Variants in PXN observed in about 807,000 individuals in gnomAD.
PXN encodes the protein testicular tissue protein Li 134.
PXN carries 61 observed loss-of-function variants against 103.6 expected under a neutral mutation model. The observed-to-expected ratio is 0.59, with a 90% CI of 0.48 to 0.73. The LOEUF is 0.73. PXN is among the 30% of genes least tolerant of loss of function. The probability of loss-of-function intolerance (pLI) is 0.00; values close to 1 mark genes in which losing one functional copy is unlikely to be tolerated. For synonymous variants in PXN, 562 were observed against 607.8 expected (o/e 0.92, Z 1.11); for missense variants, 1,274 against 1,460.3 (o/e 0.87, Z 2.08).
Position 120,221,815 on chromosome 12 carries a change from G to T in PXN, c.696-57C>A. The T allele has an allele frequency of 6.7e-7, 1 of 1,502,034 alleles. No individual in the cohort carries two copies. The highest frequency in any genetic ancestry group is 8.9e-7 in the Non-Finnish European group (1 of 1,122,124). 93.0% of individuals were successfully genotyped at this position (1,502,034 alleles called of 1,614,324 possible). On this transcript the variant is annotated intron_variant, in intron 5 of 14. Transcript: ENST00000637617. This position sits in a 1 kb window ranked among gnomAD's most constrained non-coding sequence, Gnocchi z 6.6. ...CCACAGTCAGCCCCACACTTCCCGGGGATCAGATCGACCTCTCACCTCGGA... is the reference window on the plus strand; with the variant it reads ...CCACAGTCAGCCCCACACTTCCCGGTGATCAGATCGACCTCTCACCTCGGA...
chr12:120,237,810 T>C (rs1438023790), intron 1 of PXN, among the ~76,000 whole-genome samples: 1 of 152,126 alleles, frequency 6.6e-6, no homozygotes, highest in Non-Finnish European at 1.5e-5. Flanking sequence ...CACAGAGAGT[T>C]GGCACCTCCT....
chr12:120,257,935 G>A (rs2136689760), intron 1 of PXN, among the ~76,000 whole-genome samples: 1 of 152,310 alleles, frequency 6.6e-6, no homozygotes, highest in African/African-American at 2.4e-5. Flanking sequence ...GCTCACACCT[G>A]TAATCCCAGC....
chr12:120,235,425 C>T (rs2136450082), intron 1 of PXN, among the ~76,000 whole-genome samples: 1 of 152,224 alleles, frequency 6.6e-6, no homozygotes, highest in South Asian at 2.1e-4. Context: ...ATGCAGACAC[C>T]CAGAGCCGCC....
chr12:120,242,966 TC>T (rs1890413213), intron 1 of PXN, among the ~76,000 whole-genome samples: 1 of 151,712 alleles, frequency 6.6e-6, no homozygotes, highest in African/African-American at 2.4e-5. Context: ...AGCAAGGTCA[TC>T]CCCAAAAGGT....
At position 120,215,072 on chromosome 12, in the gene PXN, G is replaced by A; in HGVS notation, c.2574+31C>T. The A allele has an allele frequency of 6.3e-7, 1 of 1,596,402 alleles. No homozygotes were observed. Among genetic ancestry groups the A allele is most frequent in the Non-Finnish European group, 8.5e-7 (1 of 1,170,120 alleles). On this transcript the variant is annotated intron_variant, in intron 11 of 14. Transcript: ENST00000637617. This position sits in a 1 kb window ranked among gnomAD's most constrained non-coding sequence, Gnocchi z 4.9. ...ACCCCCACCCCTGCAGGAGTCCACT[G>A]GCCACACCCCTGCCCACTCCCCCTC...
At position 120,213,529 on chromosome 12, in the gene PXN, T is replaced by G. The variant is rs2136170198; in HGVS notation, c.2979+313A>C. On this transcript the variant is annotated intron_variant, in intron 14 of 14. Coordinates refer to ENST00000637617, the MANE Select transcript of PXN (RefSeq NM_001385981.1). This position sits in a 1 kb window ranked among gnomAD's most constrained non-coding sequence, Gnocchi z 4.2. ...GGTTTTGGAAACCACTGCCCATTTC[T>G]GTTGAGTCTGCTAAATACTTGCATT... Among the ~76,000 whole-genome samples the G allele has an allele frequency of 6.6e-6, 1 of 152,364 alleles. No homozygotes were observed. The highest frequency in any genetic ancestry group is 2.4e-5 in the African/African-American group (1 of 41,594).
In PXN at chr12:120,260,191, C is replaced by T. The variant is rs149397984; in HGVS notation, c.13+5426G>A. On this transcript the variant is annotated intron_variant, in intron 1 of 14. Transcript: ENST00000637617. ...AGACACTCCCCCCAGGACCCTGCATCCCATCCTGAGTGTGTGTCCCCAAGA... is the reference window on the plus strand; with the variant it reads ...AGACACTCCCCCCAGGACCCTGCATTCCATCCTGAGTGTGTGTCCCCAAGA... 1.6e-4 allele frequency among the ~76,000 whole-genome samples: 25 copies of T among 152,294 alleles called. No individual in the cohort carries two copies. The East Asian group carries it at 4.8e-3, about 29-fold the overall frequency.
At chr12:120,243,876 C>G (rs187147541) in intron 1 of PXN, among the ~76,000 whole-genome samples, 1 of 152,250 alleles carries the variant, frequency 6.6e-6, no homozygotes, top group African/African-American at 2.4e-5. Flanking sequence ...TGTCTCACAG[C>G]CTAGGAATAG....
chr12:120,258,515 C>G (rs931476149), intron 1 of PXN, among the ~76,000 whole-genome samples: 1 of 152,160 alleles, frequency 6.6e-6, no homozygotes, highest in African/African-American at 2.4e-5. Flanking sequence ...AGCAGTCATT[C>G]AGGCCAACCA....
Position 120,211,674 on chromosome 12 carries a change from C to T in PXN, c.*640G>A, listed in dbSNP as rs1880208510. 3.2e-6 allele frequency: 1 copy of T among 315,050 alleles called. No homozygotes were observed. Among genetic ancestry groups the T allele is most frequent in the Non-Finnish European group, 6.4e-6 (1 of 156,514 alleles). 19.5% of individuals were successfully genotyped at this position (315,050 alleles called of 1,614,324 possible). ...AGGAAGTGACTAGAAAACATTATTGCTGGAGAGGCTTTTCTCAGTAGAACA... is the reference window on the plus strand; with the variant it reads ...AGGAAGTGACTAGAAAACATTATTGTTGGAGAGGCTTTTCTCAGTAGAACA... On this transcript the variant is annotated 3_prime_UTR_variant, in exon 15 of 15. Transcript: ENST00000637617.
Position 120,219,572 on chromosome 12 carries a change from G to T in PXN, c.1351C>A (p.Pro451Thr). 6.4e-7 allele frequency: 1 copy of T among 1,572,808 alleles called. No homozygotes were observed. The highest frequency in any genetic ancestry group is 8.6e-7 in the Non-Finnish European group (1 of 1,166,974). The change falls in exon 7 of 15, where the codon CCC (proline) becomes ACC (threonine). Residue 451 changes from proline (P) to threonine (T), a missense_variant. Coordinates refer to ENST00000637617, the MANE Select transcript of PXN (RefSeq NM_001385981.1). The surrounding 1 kb of genome is among the most constrained non-coding windows in gnomAD (Gnocchi z 6.5). The stretch of plus-strand genomic sequence containing the variant: ...TGGAAGCTTCGAGCAGCTCCAGAGG[G>T]GGGCATTCTCTCAGGCCCGAATACC... The part of the protein sequence containing the change: ...SEVFGPERMP[P>T]SGAARSFQEV...
In PXN at chr12:120,222,970, G is replaced by A. The variant is rs201116189; in HGVS notation, c.386C>T (p.Pro129Leu). 4.7e-4 allele frequency: 762 copies of A among 1,613,870 alleles called. No individual in the cohort carries two copies. Among genetic ancestry groups the A allele is most frequent in the Non-Finnish European group, 6.2e-4 (732 of 1,179,910 alleles). The change falls in exon 4 of 15, where the codon CCT becomes CTT. Residue 129 changes from proline (P) to leucine (L), a missense_variant. Transcript: ENST00000637617. The surrounding 1 kb of genome is among the most constrained non-coding windows in gnomAD (Gnocchi z 4.7). Reference protein sequence around the residue: ...SFPNKQKSAEPSPTVMSTSLG... With the variant: ...SFPNKQKSAELSPTVMSTSLG... ...GGACGTGCTCATTACGGTGGGTGAA[G>A]GCTCAGCTGATTTCTGCTTGTTGGG...
At chr12:120,223,694 G>A (rs1474084340) in intron 3 of PXN, 24 bp downstream of exon 3, 2 of 1,518,338 alleles carry the variant, frequency 1.3e-6, no homozygotes, top group Non-Finnish European at 9.0e-7. Flanking sequence ...GAGGGAAGGT[G>A]CCCTGGGCAG....
chr12:120,212,832 C>T lies in PXN; in HGVS notation c.2980-252G>A, dbSNP rs557894618. 21 of 396,264 alleles carry T rather than the reference C, an allele frequency of 5.3e-5. No individual in the cohort carries two copies. The East Asian group carries it at 7.8e-4, about 15-fold the overall frequency. The allele number at this position is 396,264 out of a possible 1,614,324, so 24.5% of individuals were successfully genotyped here. A position where few individuals can be genotyped will look rare whatever the true frequency, so the allele number is the denominator to read the frequency against. On this transcript the variant is annotated intron_variant, in intron 14 of 14. Transcript: ENST00000637617. The surrounding 1 kb of genome is among the most constrained non-coding windows in gnomAD (Gnocchi z 7.2). The stretch of plus-strand genomic sequence containing the variant: ...GTGGCCTCCTGCAATCCTCCCACCT[C>T]GGCCTCCCACAGGGCTGGGATTATT...
Position 120,211,875 on chromosome 12 carries a change from T to C in PXN, c.*439A>G, listed in dbSNP as rs1408081296. On this transcript the variant is annotated 3_prime_UTR_variant, in exon 15 of 15. Transcript: ENST00000637617. ...GAGGGAGCCGGGTGTCCCCCAATAA[T>C]CACAGAACAAAGACAATTAGGTCGG... 2.0e-6 allele frequency: 1 copy of C among 511,346 alleles called. No individual in the cohort carries two copies. The highest frequency in any genetic ancestry group is 3.9e-6 in the Non-Finnish European group (1 of 256,756). 31.7% of individuals were successfully genotyped at this position (511,346 alleles called of 1,614,324 possible).
At position 120,257,921 on chromosome 12, in the gene PXN, C is replaced by T. The variant is rs547021106; in HGVS notation, c.13+7696G>A. ...GTAAAGCCTTGCTGTGGCTGGGCACCGTGGCTCACACCTGTAATCCCAGCA... is the reference window on the plus strand; with the variant it reads ...GTAAAGCCTTGCTGTGGCTGGGCACTGTGGCTCACACCTGTAATCCCAGCA... On this transcript the variant is annotated intron_variant, in intron 1 of 14. Coordinates refer to ENST00000637617, the MANE Select transcript of PXN (RefSeq NM_001385981.1). Among the ~76,000 whole-genome samples the T allele has an allele frequency of 1.1e-4, 16 of 152,246 alleles. No homozygotes were observed. In the South Asian group the frequency reaches 3.1e-3, roughly 30 times the overall value.
Position 120,216,736 on chromosome 12 carries a change from C to A in PXN, c.1992+105G>T. ...GTCACAGGAGGCAAGAAACCCCCAC[C>A]CTCTCCCCAGATCTCCCCTCCGGCC... On this transcript the variant is annotated intron_variant, in intron 8 of 14. Transcript: ENST00000637617. This position sits in a 1 kb window ranked among gnomAD's most constrained non-coding sequence, Gnocchi z 5.1. 2.5e-6 allele frequency: 4 copies of A among 1,594,998 alleles called. No homozygotes were observed. Among genetic ancestry groups the A allele is most frequent in the Non-Finnish European group, 3.4e-6 (4 of 1,178,660 alleles).
rs1009054358 is a variant in PXN, at chr12:120,228,201, A to G, written c.14-3824T>C. On this transcript the variant is annotated intron_variant, in intron 1 of 14. Coordinates refer to ENST00000637617, the MANE Select transcript of PXN (RefSeq NM_001385981.1). The surrounding 1 kb of genome is among the most constrained non-coding windows in gnomAD (Gnocchi z 4.7). ...CTCATTCAAGCTAAGAAAGGCCTCA[A>G]ATTTCCTTGGCATTACTCTACTAAG... Among the ~76,000 whole-genome samples the G allele has an allele frequency of 6.6e-6, 1 of 152,206 alleles. No individual in the cohort carries two copies. The highest frequency in any genetic ancestry group is 2.1e-4 in the South Asian group (1 of 4,830).
At position 120,212,636 on chromosome 12, in the gene PXN, T is replaced by C. The variant is rs910820499; in HGVS notation, c.2980-56A>G. On this transcript the variant is annotated intron_variant, in intron 14 of 14. Transcript: ENST00000637617. The surrounding 1 kb of genome is among the most constrained non-coding windows in gnomAD (Gnocchi z 7.2). ...TGCCCCTCGGGCTAGAGCTGCACCC[T>C]GTGTGATGGGGCCGAGGTGGGCATA... 351 of 1,569,202 alleles carry C rather than the reference T, an allele frequency of 2.2e-4. 2 individuals are homozygous for C. The highest frequency in any genetic ancestry group is 2.4e-4 in the Non-Finnish European group (280 of 1,156,656).
Sources: allele counts gnomAD v4.1 joint callset (sites outside exome capture counted in the v4.1 genomes callset), GRCh38; gene constraint gnomAD v4.1.1; non-coding constraint Gnocchi (gnomAD v3.1); transcripts MANE v1.5; gene names NCBI Gene and HGNC (gene_info 2026-07-23, HGNC 2026-07-21).